MAF: variants seen among roughly 807,000 people sequenced by gnomAD.
MAF encodes transcription factor Maf.
In MAF, 10 loss-of-function variants were observed where a neutral mutation model predicts 22.0. The observed-to-expected ratio is 0.45, with a 90% CI of 0.28 to 0.77. The LOEUF is 0.77. MAF is among the 30% of genes least tolerant of loss of function. The probability of loss-of-function intolerance (pLI) is 0.12; values close to 1 mark genes in which losing one functional copy is unlikely to be tolerated. For missense variants in MAF, 544 were observed against 548.4 expected, an observed-to-expected ratio of 0.99 and a Z score of 0.08; for synonymous variants, 337 against 255.8, an observed-to-expected ratio of 1.32 and a Z score of -3.03.
the MAF span, among the ~76,000 whole-genome samples, chr16:79,404,746 A>G: frequency 6.6e-6 from 1 of 152,124 alleles, no homozygotes; most frequent in Non-Finnish European, 1.5e-5. Context: ...GAAACCCAAA[A>G]AGGGAAATCT....
At chr16:79,233,657 G>T in the MAF span, among the ~76,000 whole-genome samples, 8 of 152,044 alleles carry the variant, frequency 5.3e-5, no homozygotes, top group Admixed American at 1.3e-4. Flanking sequence ...CCCATGGGAT[G>T]TAATATTGAC....
the MAF span, among the ~76,000 whole-genome samples, chr16:79,447,283 C>T: frequency 1.4e-5 from 2 of 146,456 alleles, no homozygotes; most frequent in Non-Finnish European, 3.0e-5. Flanking sequence ...CATCTGATTA[C>T]AACATGGTTC....
chr16:79,464,520 G>A, the MAF span, among the ~76,000 whole-genome samples: 1 of 152,182 alleles, frequency 6.6e-6, no homozygotes, highest in African/African-American at 2.4e-5. Flanking sequence ...ATTTTTAAAT[G>A]TCAGTAAGGA....
chr16:79,388,958 AGTCTTACTACT>A, the MAF span, among the ~76,000 whole-genome samples: 1 of 152,176 alleles, frequency 6.6e-6, no homozygotes, highest in African/African-American at 2.4e-5. Context: ...TTTATTACCT[AGTCTTACTACT>A]GTCCTATAAG....
the MAF span, among the ~76,000 whole-genome samples, chr16:79,275,246 T>C: frequency 6.6e-6 from 1 of 152,110 alleles, no homozygotes; most frequent in Non-Finnish European, 1.5e-5. Context: ...ATCCTAGCTA[T>C]TCAGGAGGCT....
At chr16:79,445,022 GATTT>G in the MAF span, among the ~76,000 whole-genome samples, 17 of 152,014 alleles carry the variant, frequency 1.1e-4, no homozygotes, top group South Asian at 1.0e-3. Context: ...AACACATAAA[GATTT>G]ATTTATTTAT....
At chr16:79,553,580 G>C in the MAF span, among the ~76,000 whole-genome samples, 1 of 152,198 alleles carries the variant, frequency 6.6e-6, no homozygotes, top group East Asian at 1.9e-4. Context: ...CACTGGTCTG[G>C]CTGAAGTCAG....
chr16:79,586,904 T>G (rs1476032828), intron 1 of MAF, among the ~76,000 whole-genome samples: 3 of 152,240 alleles, frequency 2.0e-5, no homozygotes, highest in Non-Finnish European at 4.4e-5. Context: ...AATCTAATTC[T>G]TTTTCCAACA....
chr16:79,224,721 C>T, the MAF span, among the ~76,000 whole-genome samples: 1 of 152,072 alleles, frequency 6.6e-6, no homozygotes, highest in Non-Finnish European at 1.5e-5. Flanking sequence ...CAATAATAGA[C>T]AAACAAGAGA....
At chr16:79,484,116 G>A in the MAF span, among the ~76,000 whole-genome samples, 1 of 152,118 alleles carries the variant, frequency 6.6e-6, no homozygotes, top group Non-Finnish European at 1.5e-5. Flanking sequence ...CCCTTGATGG[G>A]GTCTATTGTT....
the MAF span, among the ~76,000 whole-genome samples, chr16:79,489,621 G>A: frequency 1.3e-5 from 2 of 152,232 alleles, no homozygotes; most frequent in Non-Finnish European, 2.9e-5. Context: ...GAAAGAAAGT[G>A]GTGGAGAGGA....
chr16:79,405,125 G>C, the MAF span, among the ~76,000 whole-genome samples: 1 of 152,152 alleles, frequency 6.6e-6, no homozygotes, highest in Admixed American at 6.5e-5. Flanking sequence ...CAGCAGTATG[G>C]CAGTAAATCC....
chr16:79,421,621 G>C, the MAF span, among the ~76,000 whole-genome samples: 6 of 147,470 alleles, frequency 4.1e-5, no homozygotes, highest in Non-Finnish European at 8.9e-5. Flanking sequence ...AAGACAGTTA[G>C]TAAATGAAGA....
At chr16:79,299,838 A>G in the MAF span, among the ~76,000 whole-genome samples, 1 of 152,168 alleles carries the variant, frequency 6.6e-6, no homozygotes, top group African/African-American at 2.4e-5. Flanking sequence ...GAATATGATT[A>G]TTTAAAAGGC....
chr16:79,586,061 G>A, intron 1 of MAF: 1 of 545,770 alleles, frequency 1.8e-6, no homozygotes, highest in Non-Finnish European at 3.2e-6. Flanking sequence ...TACACCAAAA[G>A]AAGAGTGATT....
the MAF span, among the ~76,000 whole-genome samples, chr16:79,469,742 G>T: frequency 1.3e-5 from 2 of 151,992 alleles, no homozygotes; most frequent in African/African-American, 4.8e-5. Flanking sequence ...GATTACAGGT[G>T]CCCGCCACCT....
At chr16:79,265,614 A>G in the MAF span, among the ~76,000 whole-genome samples, 349 of 152,340 alleles carry the variant, frequency 2.3e-3, 2 homozygotes, top group African/African-American at 7.9e-3. Context: ...AGAGATTAAC[A>G]GTAATAACTA....
chr16:79,271,278 G>A, the MAF span, among the ~76,000 whole-genome samples: 2 of 150,688 alleles, frequency 1.3e-5, no homozygotes, highest in Non-Finnish European at 2.9e-5. Context: ...CCCATTTACA[G>A]ATAGGAGAGT....
chr16:79,258,792 A>G, the MAF span, among the ~76,000 whole-genome samples: 3 of 152,176 alleles, frequency 2.0e-5, no homozygotes, highest in Non-Finnish European at 4.4e-5. Flanking sequence ...TGGCAAGTAT[A>G]GTGCTAGTGA....
Sources: allele counts gnomAD v4.1 joint callset (sites outside exome capture counted in the v4.1 genomes callset), GRCh38; gene constraint gnomAD v4.1.1; transcripts MANE v1.5; gene names NCBI Gene and HGNC (gene_info 2026-07-23, HGNC 2026-07-21).